TENM3: variants seen among roughly 807,000 people sequenced by gnomAD.
TENM3 encodes teneurin-3.
In TENM3, 63 loss-of-function variants were observed where a neutral mutation model predicts 255.1. That is an observed-to-expected ratio of 0.25 (90% CI 0.20 to 0.30). TENM3 has a LOEUF of 0.30. Among genes scored for constraint, TENM3 ranks in the 10% least tolerant of loss-of-function variants. The pLI, the probability that TENM3 is intolerant of heterozygous loss-of-function variation, is 1.00. For missense variants in TENM3, 2,929 were observed against 3,461.1 expected, an observed-to-expected ratio of 0.85 and a Z score of 3.86; for synonymous variants, 1,306 against 1,322.3, an observed-to-expected ratio of 0.99 and a Z score of 0.27.
At chr4:182,144,147 CG>C, upstream of TENM3, 1 of 153,480 alleles carries the variant, frequency 6.5e-6, no homozygotes, top group Non-Finnish European at 1.5e-5. Flanking sequence ...CGATCTGCAC[CG>C]GGGGAAGCGC....
chr4:182,003,456 T>C, the TENM3 span, among the ~76,000 whole-genome samples: 3 of 152,126 alleles, frequency 2.0e-5, no homozygotes, highest in Admixed American at 2.0e-4. Context: ...CATATATACA[T>C]ATTAGTCATT....
At chr4:182,057,608 C>T in the TENM3 span, among the ~76,000 whole-genome samples, 1 of 151,672 alleles carries the variant, frequency 6.6e-6, no homozygotes, top group Admixed American at 6.6e-5. Context: ...ACTATGTTGC[C>T]CAGGCTGGTC....
At chr4:182,562,817 C>T (rs1743343008) in intron 3 of TENM3, among the ~76,000 whole-genome samples, 3 of 152,136 alleles carry the variant, frequency 2.0e-5, no homozygotes, top group African/African-American at 7.2e-5. Flanking sequence ...CTCTTCTGCT[C>T]CAGTCATGCA....
At chr4:181,493,717 C>T in the TENM3 span, among the ~76,000 whole-genome samples, 2 of 152,110 alleles carry the variant, frequency 1.3e-5, no homozygotes, top group Non-Finnish European at 2.9e-5. Context: ...GCACTCCAGC[C>T]TGGGCAACAG....
At chr4:182,546,149 G>A (rs1741424524) in intron 3 of TENM3, among the ~76,000 whole-genome samples, 1 of 152,194 alleles carries the variant, frequency 6.6e-6, no homozygotes, top group Admixed American at 6.5e-5. Context: ...CGCTGAGCAG[G>A]CTAACAAGGA....
intron 1 of TENM3, among the ~76,000 whole-genome samples, chr4:182,193,681 C>A (rs1429623491): frequency 2.0e-5 from 3 of 152,146 alleles, no homozygotes; most frequent in African/African-American, 7.2e-5. Flanking sequence ...TATTTTTTGG[C>A]TGACCTATTT....
chr4:181,686,251 G>C, the TENM3 span, among the ~76,000 whole-genome samples: 2 of 152,120 alleles, frequency 1.3e-5, no homozygotes, highest in Non-Finnish European at 2.9e-5. Context: ...AGATTTTTCA[G>C]TTAAATGTTT....
At chr4:182,643,841 C>T (rs1752519769) in intron 5 of TENM3, among the ~76,000 whole-genome samples, 1 of 152,186 alleles carries the variant, frequency 6.6e-6, no homozygotes, top group Admixed American at 6.5e-5. Context: ...TACATCCTTG[C>T]TTGCTTTGAT....
the TENM3 span, among the ~76,000 whole-genome samples, chr4:181,465,391 C>A: frequency 6.6e-6 from 1 of 151,972 alleles, no homozygotes; most frequent in Non-Finnish European, 1.5e-5. Context: ...AGTTATCAAC[C>A]AAACATTTGA....
At chr4:182,401,423 T>C (rs1432954978) in intron 3 of TENM3, among the ~76,000 whole-genome samples, 1 of 152,258 alleles carries the variant, frequency 6.6e-6, no homozygotes, top group Non-Finnish European at 1.5e-5. Flanking sequence ...AAATTATTCT[T>C]TAAAATACAA....
chr4:181,795,762 G>C, the TENM3 span, among the ~76,000 whole-genome samples: 1 of 152,338 alleles, frequency 6.6e-6, no homozygotes, highest in South Asian at 2.1e-4. Context: ...GCTAAACCTG[G>C]AGAGGTAGCC....
chr4:182,339,511 T>C (rs1006048619), intron 2 of TENM3, among the ~76,000 whole-genome samples: 2 of 152,214 alleles, frequency 1.3e-5, no homozygotes, highest in Non-Finnish European at 2.9e-5. Context: ...GCCAACCTGC[T>C]TTGTGGATTA....
At chr4:181,535,450 A>G in the TENM3 span, among the ~76,000 whole-genome samples, 1 of 152,166 alleles carries the variant, frequency 6.6e-6, no homozygotes, top group Admixed American at 6.5e-5. Context: ...ATAGCCTTCT[A>G]ACTGAGCTGC....
At chr4:182,197,349 G>A (rs1011359922) in intron 1 of TENM3, among the ~76,000 whole-genome samples, 6 of 152,152 alleles carry the variant, frequency 3.9e-5, no homozygotes, top group African/African-American at 1.4e-4. Context: ...GCCTAGCCAT[G>A]GAGGGATGTG....
At chr4:182,214,637 A>T (rs1429419932) in intron 1 of TENM3, among the ~76,000 whole-genome samples, 2 of 151,808 alleles carry the variant, frequency 1.3e-5, no homozygotes, top group Admixed American at 6.6e-5. Context: ...AAGTGCTGGG[A>T]TTATAGATGT....
intron 1 of TENM3, among the ~76,000 whole-genome samples, chr4:182,160,061 G>C (rs916650859): frequency 6.8e-6 from 1 of 147,988 alleles, no homozygotes; most frequent in East Asian, 1.9e-4. Context: ...GGAGTGCAGC[G>C]GTGCGATCTC....
At chr4:182,166,681 G>C (rs1322992481) in intron 1 of TENM3, among the ~76,000 whole-genome samples, 1 of 152,086 alleles carries the variant, frequency 6.6e-6, no homozygotes, top group Non-Finnish European at 1.5e-5. Flanking sequence ...GCCCAGGCTA[G>C]AGTGCAGTGG....
At chr4:182,587,111 G>C (rs1459719893) in intron 3 of TENM3, among the ~76,000 whole-genome samples, 1 of 151,706 alleles carries the variant, frequency 6.6e-6, no homozygotes, top group Non-Finnish European at 1.5e-5. Flanking sequence ...TTTTTTAAGA[G>C]ACACAGTCTC....
At chr4:182,393,060 G>A (rs917567606) in intron 3 of TENM3, among the ~76,000 whole-genome samples, 2 of 152,154 alleles carry the variant, frequency 1.3e-5, no homozygotes, top group Non-Finnish European at 2.9e-5. Context: ...CTATCGGAGC[G>A]TTTCCTCTTA....
Sources: gnomAD v4.1 joint callset for allele counts (sites outside exome capture counted in the v4.1 genomes callset) on GRCh38, gnomAD v4.1.1 for gene constraint, MANE v1.5 for transcripts, NCBI Gene and HGNC (gene_info 2026-07-23, HGNC 2026-07-21) for gene names.